Variants in HDGFL3 observed in about 807,000 individuals in gnomAD.
HDGFL3 encodes HDGF like 3.
In HDGFL3, 6 loss-of-function variants were observed where a neutral mutation model predicts 27.6. The observed-to-expected ratio is 0.22, with a 90% CI of 0.12 to 0.43. The LOEUF (loss-of-function observed/expected upper bound fraction) is 0.43, where lower values mean the gene tolerates loss of function less well. Ranked by LOEUF, HDGFL3 falls within the 20% of genes least tolerant of loss-of-function variation. The pLI, the probability that HDGFL3 is intolerant of heterozygous loss-of-function variation, is 1.00. For synonymous variants in HDGFL3, 88 were observed against 88.9 expected (o/e 0.99, Z 0.05); for missense variants, 207 against 250.1 (o/e 0.83, Z 1.16).
At chr15:83,181,700 G>A (rs1596562270) in intron 1 of HDGFL3, among the ~76,000 whole-genome samples, 3 of 152,058 alleles carry the variant, frequency 2.0e-5, no homozygotes, top group South Asian at 2.1e-4. Flanking sequence ...GGTCTTGAAC[G>A]CCTGACCCCA....
chr15:83,152,276 CCAGG>C lies in HDGFL3; in HGVS notation c.460-919_460-916del, dbSNP rs1459928975. 2.0e-5 allele frequency among the ~76,000 whole-genome samples: 3 copies of C among 152,320 alleles called. No individual in the cohort carries two copies. In the East Asian group the frequency reaches 5.8e-4, roughly 29 times the overall value. ...GCAACTTTCAAAGAGAAAACATAGG[CCAGG>C]CATGGTGGCTCACGCCTGTAATCCC... On this transcript the variant is annotated intron_variant, in intron 4 of 5. Transcript: ENST00000299633.
In HDGFL3 at chr15:83,207,340, C is replaced by A; in HGVS notation, c.75G>T (p.Trp25Cys). 7.2e-7 allele frequency: 1 copy of A among 1,397,984 alleles called. No homozygotes were observed. Among genetic ancestry groups the A allele is most frequent in the South Asian group, 1.8e-5 (1 of 56,722 alleles). The allele number at this position is 1,397,984 out of a possible 1,614,324, so 86.6% of individuals were successfully genotyped here. The change falls in exon 1 of 6, where the codon TGG becomes TGT. Residue 25 changes from tryptophan to cysteine, a missense_variant. Physicochemically the swap from Trp to Cys is radical, Grantham distance 215 (BLOSUM62 -2). Transcript: ENST00000299633. The surrounding 1 kb of genome is among the most constrained non-coding windows in gnomAD (Gnocchi z 4.8). ...VFAKMKGYPH[W>C]PARIDELPEG... Reference sequence around the variant, plus strand: ...CGGCCGCGGTACTCACCCGGGCCGGCCAGTGCGGGTAGCCCTTCATCTTGG... The same window carrying A: ...CGGCCGCGGTACTCACCCGGGCCGGACAGTGCGGGTAGCCCTTCATCTTGG...
Position 83,151,264 on chromosome 15 carries a change from C to A in HDGFL3, c.557G>T (p.Gly186Val), listed in dbSNP as rs188845179. Residue 186 changes from glycine (G) to valine (V), a missense_variant, in exon 5 of 6, where the codon GGC becomes GTC. Gly to Val is a moderately radical substitution (Grantham distance 109). Transcript: ENST00000299633. Reference sequence around the variant, plus strand: ...TGAAGTTGTGTTTCTTGTGTCGTTGCCCGCATCTCCACCCTCAGAGCTGCT... The same window carrying A: ...TGAAGTTGTGTTTCTTGTGTCGTTGACCGCATCTCCACCCTCAGAGCTGCT... ...NKSSSEGGDA[G>V]NDTRNTTSDL... The A allele has an allele frequency of 4.3e-6, 7 of 1,613,286 alleles. No individual in the cohort carries two copies. Among genetic ancestry groups the A allele is most frequent in the Non-Finnish European group, 5.9e-6 (7 of 1,179,774 alleles).
At chr15:83,168,398 T>C (rs537855434) in intron 1 of HDGFL3, among the ~76,000 whole-genome samples, 14 of 152,254 alleles carry the variant, frequency 9.2e-5, no homozygotes, top group Admixed American at 7.9e-4. Flanking sequence ...ACAAGATCCA[T>C]AGATCGTTAA....
At chr15:83,171,069 C>CTT (rs1025256169) in intron 1 of HDGFL3, among the ~76,000 whole-genome samples, 2 of 152,040 alleles carry the variant, frequency 1.3e-5, no homozygotes, top group Admixed American at 1.3e-4. Flanking sequence ...TTTTATTATA[C>CTT]TTTAAGTTCT....
chr15:83,151,532 A>T (rs1176274307), intron 4 of HDGFL3, among the ~76,000 whole-genome samples, 171 bp from the exon 5 acceptor site: 1 of 152,214 alleles, frequency 6.6e-6, no homozygotes, highest in African/African-American at 2.4e-5. Flanking sequence ...TGGACAAATC[A>T]TTTCACCTCA....
At chr15:83,200,251 C>A (rs1055909213) in intron 1 of HDGFL3, among the ~76,000 whole-genome samples, 6 of 151,558 alleles carry the variant, frequency 4.0e-5, no homozygotes, top group African/African-American at 1.5e-4. Flanking sequence ...GAGGCTGAGG[C>A]AGGAACCCGG....
chr15:83,118,394 A>G (rs2034898226), intron 3 of HDGFL3, among the ~76,000 whole-genome samples: 1 of 152,232 alleles, frequency 6.6e-6, no homozygotes, highest in African/African-American at 2.4e-5. Flanking sequence ...ATGCTCATCA[A>G]GCTACCAGGA....
chr15:83,143,676 G>C (rs2036830023), intron 5 of HDGFL3, among the ~76,000 whole-genome samples: 1 of 152,172 alleles, frequency 6.6e-6, no homozygotes, highest in African/African-American at 2.4e-5. Context: ...ATAAACTGGG[G>C]TCAGCTGTGA....
chr15:83,206,140 G>C (rs1031566017), intron 1 of HDGFL3, among the ~76,000 whole-genome samples: 1 of 152,170 alleles, frequency 6.6e-6, no homozygotes, highest in Non-Finnish European at 1.5e-5. Flanking sequence ...TATTTAAAAA[G>C]TGATTATGTC....
chr15:83,145,090 CTT>C (rs1420669727), intron 5 of HDGFL3, among the ~76,000 whole-genome samples: 1 of 151,858 alleles, frequency 6.6e-6, no homozygotes, highest in Non-Finnish European at 1.5e-5. Context: ...GTAAAAATCT[CTT>C]CTTTCTTTCC....
chr15:83,184,145 C>G (rs1048873418), intron 1 of HDGFL3, among the ~76,000 whole-genome samples: 1 of 152,158 alleles, frequency 6.6e-6, no homozygotes, highest in African/African-American at 2.4e-5. Flanking sequence ...TTTCAGAGGG[C>G]TTTAAGTTGT....
At chr15:83,192,226 G>C (rs1206830348) in intron 1 of HDGFL3, 19 of 449,442 alleles carry the variant, frequency 4.2e-5, no homozygotes, top group Non-Finnish European at 8.0e-5. Context: ...ACAGGCATGA[G>C]CCACAGTGCC....
chr15:83,183,158 T>C lies in HDGFL3; in HGVS notation c.85-19083A>G, dbSNP rs566486102. ...TACTGTGCTTCATTACAAGCCGAGGTTGATTTTTAAAACCCTGTACAGATT... is the reference window on the plus strand; with the variant it reads ...TACTGTGCTTCATTACAAGCCGAGGCTGATTTTTAAAACCCTGTACAGATT... On this transcript the variant is annotated intron_variant, in intron 1 of 5. Coordinates refer to ENST00000299633, the MANE Select transcript of HDGFL3 (RefSeq NM_016073.4). 1.7e-4 allele frequency among the ~76,000 whole-genome samples: 26 copies of C among 151,976 alleles called. No individual in the cohort carries two copies. The East Asian group carries it at 3.1e-3, about 18-fold the overall frequency.
chr15:83,167,483 A>G (rs1567171238), intron 1 of HDGFL3, among the ~76,000 whole-genome samples: 1 of 151,854 alleles, frequency 6.6e-6, no homozygotes, highest in Non-Finnish European at 1.5e-5. Flanking sequence ...GCTTGAGCCC[A>G]GGAGGCGGAG....
chr15:83,187,905 A>G (rs1281962157), intron 1 of HDGFL3, among the ~76,000 whole-genome samples: 1 of 151,894 alleles, frequency 6.6e-6, no homozygotes, highest in East Asian at 1.9e-4. Flanking sequence ...AAAAAAAAAA[A>G]AAGGAAAAGG....
chr15:83,185,269 C>T (rs1011397677), intron 1 of HDGFL3, among the ~76,000 whole-genome samples: 3 of 152,152 alleles, frequency 2.0e-5, no homozygotes, highest in Non-Finnish European at 4.4e-5. Flanking sequence ...GGCAATCTGC[C>T]CGTCTCAGCC....
chr15:83,157,654 T>C, intron 3 of HDGFL3, 81 bp from the exon 4 acceptor site: 1 of 1,343,826 alleles, frequency 7.4e-7, no homozygotes, highest in Non-Finnish European at 1.0e-6. Context: ...TACTCTGTTT[T>C]CATTTGAAAG....
At chr15:83,183,468 A>ATTT (rs2037403880) in intron 1 of HDGFL3, among the ~76,000 whole-genome samples, 2 of 152,166 alleles carry the variant, frequency 1.3e-5, no homozygotes, top group African/African-American at 4.8e-5. Flanking sequence ...ATTGAATATA[A>ATTT]AGAGCACCTT....
Sources: gnomAD v4.1 joint callset for allele counts (sites outside exome capture counted in the v4.1 genomes callset) on GRCh38, gnomAD v4.1.1 for gene constraint, Gnocchi (gnomAD v3.1) non-coding constraint, MANE v1.5 for transcripts, NCBI Gene and HGNC (gene_info 2026-07-23, HGNC 2026-07-21) for gene names.